The following OSBPL10 variants were observed in gnomAD, a reference collection of about 807,000 sequenced individuals.
The protein encoded by OSBPL10 is oxysterol binding protein like 10.
In OSBPL10, 49 loss-of-function variants were observed where a neutral mutation model predicts 81.7. That is an observed-to-expected ratio of 0.60 (90% CI 0.48 to 0.76). The LOEUF is 0.76. OSBPL10 is among the 30% of genes least tolerant of loss of function. The pLI is 0.00. For synonymous variants in OSBPL10, 419 were observed against 383.6 expected (o/e 1.09, Z -1.08); for missense variants, 923 against 987.8 (o/e 0.93, Z 0.88).
chr3:31,728,700 A>G (rs1042010081), intron 6 of OSBPL10, among the ~76,000 whole-genome samples: 3 of 152,180 alleles, frequency 2.0e-5, no homozygotes, highest in Non-Finnish European at 2.9e-5. Flanking sequence ...AGACAAAACT[A>G]TAGGGACAAA....
chr3:31,982,241 C>G (rs1698865404), upstream of OSBPL10, among the ~76,000 whole-genome samples: 1 of 152,174 alleles, frequency 6.6e-6, no homozygotes, highest in African/African-American at 2.4e-5. Context: ...GCCCCTCTTC[C>G]TACCTAAAGA....
chr3:31,714,252 C>T (rs1281497950), intron 6 of OSBPL10, among the ~76,000 whole-genome samples: 2 of 152,152 alleles, frequency 1.3e-5, no homozygotes, highest in African/African-American at 4.8e-5. Context: ...CTGTGTTAGG[C>T]GCAGAGGAGG....
At chr3:31,809,027 A>C (rs2125468690) in intron 4 of OSBPL10, among the ~76,000 whole-genome samples, 1 of 152,306 alleles carries the variant, frequency 6.6e-6, no homozygotes, top group South Asian at 2.1e-4. Flanking sequence ...TAAACAAAGC[A>C]TTTTCAGCAA....
chr3:31,907,970 G>A (rs1696460453), intron 1 of OSBPL10, among the ~76,000 whole-genome samples: 1 of 152,166 alleles, frequency 6.6e-6, no homozygotes, highest in Admixed American at 6.5e-5. Context: ...AAAAGGCTGC[G>A]GTGGAGGAGC....
chr3:32,053,211 A>G (rs192709383), intron 1 of OSBPL10, among the ~76,000 whole-genome samples: 1 of 152,374 alleles, frequency 6.6e-6, no homozygotes, highest in Non-Finnish European at 1.5e-5. Context: ...AAACAGTTTT[A>G]CATGCAAGGC....
chr3:31,834,044 A>C (rs1207416830), intron 3 of OSBPL10, among the ~76,000 whole-genome samples: 1 of 152,208 alleles, frequency 6.6e-6, no homozygotes, highest in Non-Finnish European at 1.5e-5. Flanking sequence ...TGAGCAAAAA[A>C]GTCTTACCCT....
intron 4 of OSBPL10, among the ~76,000 whole-genome samples, chr3:31,799,090 C>T (rs2125445649): frequency 6.6e-6 from 1 of 152,254 alleles, no homozygotes; most frequent in South Asian, 2.1e-4. Flanking sequence ...TTGGGAATCC[C>T]TACCTCAAGG....
chr3:31,860,438 T>G (rs1701029741), intron 3 of OSBPL10, among the ~76,000 whole-genome samples: 1 of 152,140 alleles, frequency 6.6e-6, no homozygotes, highest in African/African-American at 2.4e-5. Flanking sequence ...AAGGATTTAC[T>G]ATGGGAGAAG....
intron 3 of OSBPL10, among the ~76,000 whole-genome samples, chr3:31,854,155 T>TA (rs1700846744): frequency 6.6e-6 from 1 of 151,476 alleles, no homozygotes; most frequent in African/African-American, 2.4e-5. Flanking sequence ...TTTTTTTTTT[T>TA]AAGGATAACT....
intron 4 of OSBPL10, among the ~76,000 whole-genome samples, chr3:31,763,582 A>G (rs975884411): frequency 2.0e-5 from 3 of 152,234 alleles, no homozygotes; most frequent in South Asian, 4.1e-4. Flanking sequence ...TTGATAGCAT[A>G]TACAAACTGG....
At chr3:31,759,223 AAAGGATCAGTGAGT>A (rs1463590192) in intron 4 of OSBPL10, among the ~76,000 whole-genome samples, 1 of 152,228 alleles carries the variant, frequency 6.6e-6, no homozygotes, top group African/African-American at 2.4e-5. Flanking sequence ...AGTAGAAGGC[AAAGGATCAGTGAGT>A]AAGTGCCTCA....
Position 31,875,196 on chromosome 3 carries a change from A to T in OSBPL10, c.537+1237T>A, listed in dbSNP as rs538571190. On this transcript the variant is annotated intron_variant, in intron 3 of 11. Coordinates refer to ENST00000396556, the MANE Select transcript of OSBPL10 (RefSeq NM_017784.5). ...ACATACACATACCAAGATATACTAA[A>T]TTTACTAGAAAGATATTCAAGAACT... 3.7e-3 allele frequency among the ~76,000 whole-genome samples: 568 copies of T among 152,210 alleles called. 5 individuals are homozygous for T. Among genetic ancestry groups the T allele is most frequent in the African/African-American group, 0.013 (537 of 41,554 alleles).
chr3:31,802,033 G>C (rs1328857546), intron 4 of OSBPL10, among the ~76,000 whole-genome samples: 1 of 151,524 alleles, frequency 6.6e-6, no homozygotes, highest in African/African-American at 2.4e-5. Context: ...ATATTGGTCA[G>C]GCTGGTCTCG....
chr3:31,942,712 C>T (rs976410565), intron 1 of OSBPL10, among the ~76,000 whole-genome samples: 3 of 151,856 alleles, frequency 2.0e-5, no homozygotes, highest in African/African-American at 7.3e-5. Flanking sequence ...AAGTGAAAAG[C>T]AAAAATTGAG....
chr3:31,743,668 A>AG (rs1368449609), intron 5 of OSBPL10, among the ~76,000 whole-genome samples: 1 of 140,290 alleles, frequency 7.1e-6, no homozygotes, highest in Non-Finnish European at 1.6e-5. Flanking sequence ...AGAAGGAAAA[A>AG]AAAACAGTGC....
chr3:31,836,183 C>T (rs183304853), intron 3 of OSBPL10, among the ~76,000 whole-genome samples: 1 of 152,330 alleles, frequency 6.6e-6, no homozygotes, highest in East Asian at 1.9e-4. Flanking sequence ...CGAGTTTCAA[C>T]ATTAAGTAAC....
At chr3:31,830,743 C>T (rs1042306459) in intron 3 of OSBPL10, among the ~76,000 whole-genome samples, 1 of 152,180 alleles carries the variant, frequency 6.6e-6, no homozygotes, top group African/African-American at 2.4e-5. Context: ...CTTTCATGCT[C>T]ATCTTTATAT....
intron 7 of OSBPL10, among the ~76,000 whole-genome samples, chr3:31,698,699 A>T (rs780694221): frequency 6.6e-6 from 1 of 151,696 alleles, no homozygotes; most frequent in East Asian, 1.9e-4. Flanking sequence ...TTTCACCCCC[A>T]TCCCCTCCGG....
chr3:31,965,466 A>T (rs868478498), intron 1 of OSBPL10, among the ~76,000 whole-genome samples: 10 of 99,640 alleles, frequency 1.0e-4, no homozygotes, highest in Admixed American at 4.9e-4. Context: ...TAATTTATAT[A>T]ATATATATTA....
Sources: gnomAD v4.1 joint callset for allele counts (sites outside exome capture counted in the v4.1 genomes callset) on GRCh38, gnomAD v4.1.1 for gene constraint, MANE v1.5 for transcripts, NCBI Gene and HGNC (gene_info 2026-07-23, HGNC 2026-07-21) for gene names.